The following IFITM10 variants were observed in gnomAD, a reference collection of about 807,000 sequenced individuals.
IFITM10 encodes interferon induced transmembrane protein 10.
A neutral mutation model predicts 19.0 loss-of-function variants in IFITM10; 17 were observed. That is an observed-to-expected ratio of 0.90 (90% CI 0.61 to 1.34). The LOEUF (loss-of-function observed/expected upper bound fraction) is 1.34. Ranked by LOEUF, IFITM10 falls within the 40% of genes most tolerant of loss-of-function variation. IFITM10 has a pLI of 0.00. For synonymous variants in IFITM10, 148 were observed against 147.2 expected, an observed-to-expected ratio of 1.01 and a Z score of -0.04; for missense variants, 306 against 319.8, an observed-to-expected ratio of 0.96 and a Z score of 0.33.
chr11:1,749,220 G>A (rs148543507), intron 1 of IFITM10: 11,558 of 457,992 alleles, frequency 0.025, 207 homozygotes, highest in Middle Eastern at 0.035. Flanking sequence ...CGGCCGCGCG[G>A]CTGCAGCCCA....
intron 2 of IFITM10, among the ~76,000 whole-genome samples, chr11:1,742,741 G>A (rs978162732): frequency 1.2e-4 from 18 of 152,344 alleles, no homozygotes; most frequent in Admixed American, 1.2e-3. Context: ...GGATGGGAGA[G>A]CAGGGCAGGG....
intron 2 of IFITM10, 44 bp downstream of exon 2, chr11:1,747,623 A>T: frequency 6.6e-7 from 1 of 1,519,710 alleles, no homozygotes; most frequent in Non-Finnish European, 8.9e-7. Context: ...TGCCGGCACC[A>T]CCTCTCTAGC....
intron 1 of IFITM10, chr11:1,749,126 C>T: frequency 9.6e-7 from 1 of 1,041,050 alleles, no homozygotes; most frequent in Non-Finnish European, 1.2e-6. Context: ...AGCGGCCCAA[C>T]CTTGAGGGGG....
At chr11:1,748,935 C>A (rs1011716024) in intron 1 of IFITM10, 3 of 619,574 alleles carry the variant, frequency 4.8e-6, no homozygotes, top group Admixed American at 1.3e-4. Context: ...GCGGCGCTCG[C>A]CGGGGGGTCT....
At chr11:1,741,721 C>G (rs1259538549) in intron 2 of IFITM10, among the ~76,000 whole-genome samples, 2 of 152,028 alleles carry the variant, frequency 1.3e-5, no homozygotes, top group East Asian at 3.9e-4. Context: ...AGAGGAAACA[C>G]AAGGAAGGGA....
rs1185784518 is a variant in IFITM10 at position 1,750,352 on chromosome 11, C to T, written c.84+7G>A. On this transcript the variant is annotated splice_region_variant and intron_variant, in intron 1 of 2. Transcript: ENST00000340134. The stretch of plus-strand genomic sequence containing the variant: ...CAGGTTCCCTGAGCTGGGTCCTCTT[C>T]ACCAACCTCCAGCTCCCACTGAGCC... 5.2e-6 allele frequency: 8 copies of T among 1,550,414 alleles called. No homozygotes were observed. Among genetic ancestry groups the T allele is most frequent in the Non-Finnish European group, 7.0e-6 (8 of 1,147,000 alleles).
chr11:1,742,717 G>T (rs1845583365), intron 2 of IFITM10, among the ~76,000 whole-genome samples: 1 of 152,214 alleles, frequency 6.6e-6, no homozygotes, highest in African/African-American at 2.4e-5. Flanking sequence ...TGATGCATAA[G>T]GTTGGTGGGG....
chr11:1,735,237 T>C lies in IFITM10; in HGVS notation c.*43A>G, dbSNP rs1413857326. 3.9e-6 allele frequency: 6 copies of C among 1,541,592 alleles called. No homozygotes were observed. The highest frequency in any genetic ancestry group is 2.4e-5 in the South Asian group (2 of 83,656). On this transcript the variant is annotated 3_prime_UTR_variant, in exon 3 of 3. Coordinates refer to ENST00000340134, the MANE Select transcript of IFITM10 (RefSeq NM_001170820.4). ...GTTTCAGGGACCATGAGAATAAACA[T>C]GTCTCAGTGCTTGTCTCCGCCAGCA...
rs1165476477 is a variant in IFITM10, at chr11:1,750,578, G to C, written c.-136C>G. The stretch of plus-strand genomic sequence containing the variant: ...GGGTCCTGTCTGCCTGCCTGTGCCT[G>C]ACTCTGAACCCTTTCTCTCCCCAAA... On this transcript the variant is annotated 5_prime_UTR_variant, in exon 1 of 3. Coordinates refer to ENST00000340134, the MANE Select transcript of IFITM10 (RefSeq NM_001170820.4). 6.2e-6 allele frequency: 7 copies of C among 1,137,230 alleles called. No individual in the cohort carries two copies. 70.4% of individuals were successfully genotyped at this position (1,137,230 alleles called of 1,614,324 possible).
At chr11:1,737,142 T>A (rs887793141) in intron 2 of IFITM10, among the ~76,000 whole-genome samples, 8 of 152,258 alleles carry the variant, frequency 5.3e-5, no homozygotes, top group African/African-American at 1.9e-4. Flanking sequence ...TCTTATTTGA[T>A]GCCTTTGCTA....
intron 2 of IFITM10, among the ~76,000 whole-genome samples, chr11:1,736,515 G>A (rs977510729): frequency 1.3e-5 from 2 of 152,150 alleles, no homozygotes; most frequent in African/African-American, 2.4e-5. Flanking sequence ...AAGCTAGAAC[G>A]CAATTCAGTG....
chr11:1,746,745 CG>C (rs1434564869), intron 2 of IFITM10: 1 of 398,818 alleles, frequency 2.5e-6, no homozygotes, highest in East Asian at 3.6e-5. Flanking sequence ...CTCCCCCACC[CG>C]GCAGGGCAGC....
Position 1,750,510 on chromosome 11 carries a change from T to C in IFITM10, c.-68A>G. On this transcript the variant is annotated 5_prime_UTR_variant, in exon 1 of 3. Coordinates refer to ENST00000340134, the MANE Select transcript of IFITM10 (RefSeq NM_001170820.4). ...TGCCACTCTCAACTGGCCTCCTGTG[T>C]CTCCGCAACCCTCTTTCCTGTCTGG... 2 of 1,542,420 alleles carry C rather than the reference T, an allele frequency of 1.3e-6. No homozygotes were observed. Among genetic ancestry groups the C allele is most frequent in the Non-Finnish European group, 1.8e-6 (2 of 1,141,486 alleles).
chr11:1,748,124 A>C lies in IFITM10; in HGVS notation c.85-5T>G, dbSNP rs1845672476. ...GCACTGGCCGGGGCCCTGGGCCTGG[A>C]GAGGAGAAAGTGAGAGCAAGCTGGG... On this transcript the variant is annotated splice_region_variant and splice_polypyrimidine_tract_variant and intron_variant, in intron 1 of 2. Coordinates refer to ENST00000340134, the MANE Select transcript of IFITM10 (RefSeq NM_001170820.4). 2 of 1,365,970 alleles carry C rather than the reference A, an allele frequency of 1.5e-6. No individual in the cohort carries two copies. Among genetic ancestry groups the C allele is most frequent in the Admixed American group, 7.1e-5 (2 of 28,240 alleles). 84.6% of individuals were successfully genotyped at this position (1,365,970 alleles called of 1,614,324 possible).
At chr11:1,739,518 A>G (rs1851123339) in intron 2 of IFITM10, among the ~76,000 whole-genome samples, 1 of 152,224 alleles carries the variant, frequency 6.6e-6, no homozygotes, top group South Asian at 2.1e-4. Flanking sequence ...TTGTAGGGAG[A>G]AGATACAGAA....
rs555740489 is a variant in IFITM10, at chr11:1,737,159, A to G, written c.538-1730T>C. ...TTATTTGATGCCTTTGCTAAAATAAAGTTGTATAACTTTCTCCAGAAAGAG... is the reference window on the plus strand; with the variant it reads ...TTATTTGATGCCTTTGCTAAAATAAGGTTGTATAACTTTCTCCAGAAAGAG... On this transcript the variant is annotated intron_variant, in intron 2 of 2. Transcript: ENST00000340134. Among the ~76,000 whole-genome samples the G allele has an allele frequency of 2.0e-5, 3 of 152,316 alleles. No homozygotes were observed. The East Asian group carries it at 5.8e-4, about 29-fold the overall frequency.
intron 2 of IFITM10, 115 bp downstream of exon 2, chr11:1,747,552 T>C (rs1845665089): frequency 9.9e-6 from 9 of 904,878 alleles, no homozygotes; most frequent in Non-Finnish European, 1.5e-5. Flanking sequence ...ACTGCACCTG[T>C]TCTACCCGTG....
rs1845705852 is a variant in IFITM10, at chr11:1,750,548, G to A, written c.-106C>T. ...CTTTCCTGTCTGGAAGGCCAGTCCT[G>A]CTTGGGGTCCTGTCTGCCTGCCTGT... On this transcript the variant is annotated 5_prime_UTR_variant, in exon 1 of 3. Transcript: ENST00000340134. 5 of 1,443,180 alleles carry A rather than the reference G, an allele frequency of 3.5e-6. No homozygotes were observed. Among genetic ancestry groups the A allele is most frequent in the African/African-American group, 1.4e-5 (1 of 71,078 alleles). The allele number at this position is 1,443,180 out of a possible 1,614,324, so 89.4% of individuals were successfully genotyped here.
At chr11:1,741,559 GC>G (rs1352474051) in intron 2 of IFITM10, among the ~76,000 whole-genome samples, 2 of 152,096 alleles carry the variant, frequency 1.3e-5, no homozygotes, top group Non-Finnish European at 2.9e-5. Context: ...GGGCTAGGTG[GC>G]CAGGCAGTTC....
Sources: allele counts gnomAD v4.1 joint callset (sites outside exome capture counted in the v4.1 genomes callset), GRCh38; gene constraint gnomAD v4.1.1; transcripts MANE v1.5; gene names NCBI Gene and HGNC (gene_info 2026-07-23, HGNC 2026-07-21).